Variants in KIF15 observed in about 807,000 individuals in gnomAD.
The protein encoded by KIF15 is kinesin family member 15, also known as kinesin-like protein KIF15.
KIF15 carries 140 observed loss-of-function variants against 190.6 expected under a neutral mutation model. The observed-to-expected ratio is 0.73, with a 90% CI of 0.64 to 0.84. The LOEUF (loss-of-function observed/expected upper bound fraction) is 0.84, where lower values mean the gene tolerates loss of function less well. Ranked by LOEUF, KIF15 falls within the 40% of genes least tolerant of loss-of-function variation. KIF15 has a pLI of 0.00. For missense variants in KIF15, 1,372 were observed against 1,584.4 expected, an observed-to-expected ratio of 0.87 and a Z score of 2.28; for synonymous variants, 528 against 551.3, an observed-to-expected ratio of 0.96 and a Z score of 0.59.
intron 10 of KIF15, 36 bp downstream of exon 10, chr3:44,797,992 GA>G (rs1707075849): frequency 1.3e-6 from 2 of 1,548,040 alleles, no homozygotes; most frequent in African/African-American, 2.8e-5. Flanking sequence ...AAATAAATGA[GA>G]AAAATACTAA....
chr3:44,827,682 ATTTTTTTC>A (rs1376626585), intron 23 of KIF15, among the ~76,000 whole-genome samples, 154 bp downstream of exon 23: 4 of 151,888 alleles, frequency 2.6e-5, no homozygotes, highest in Admixed American at 1.3e-4. Flanking sequence ...TTTTAATTTT[ATTTTTTTC>A]TTCTTTTTTT....
chr3:44,839,359 AG>A (rs1698480861), intron 27 of KIF15, among the ~76,000 whole-genome samples: 1 of 151,830 alleles, frequency 6.6e-6, no homozygotes. Context: ...GGCGACAGAG[AG>A]AGACTCCATC....
At chr3:44,783,023 T>C (rs1472409698) in intron 5 of KIF15, among the ~76,000 whole-genome samples, 1 of 152,150 alleles carries the variant, frequency 6.6e-6, no homozygotes, top group Non-Finnish European at 1.5e-5. Flanking sequence ...GATCTGATAT[T>C]AAAAGGATTA....
intron 15 of KIF15, among the ~76,000 whole-genome samples, 154 bp from the exon 16 acceptor site, chr3:44,805,691 A>G (rs1351108404): frequency 6.6e-6 from 1 of 152,192 alleles, no homozygotes; most frequent in Non-Finnish European, 1.5e-5. Flanking sequence ...TAGTTTACTG[A>G]ACTGGAGAAT....
chr3:44,770,526 T>A (rs1193888999), intron 1 of KIF15, among the ~76,000 whole-genome samples: 1 of 152,182 alleles, frequency 6.6e-6, no homozygotes, highest in African/African-American at 2.4e-5. Context: ...GTACAGGGAC[T>A]GTGTAGGCAA....
intron 24 of KIF15, 32 bp downstream of exon 24, chr3:44,828,332 G>A (rs1697790764): frequency 6.8e-7 from 1 of 1,462,740 alleles, no homozygotes; most frequent in Non-Finnish European, 9.6e-7. Context: ...ATCTCTCTGT[G>A]CATTTTCTTA....
intron 7 of KIF15, among the ~76,000 whole-genome samples, chr3:44,792,759 A>T (rs966634870): frequency 1.6e-4 from 25 of 151,872 alleles, no homozygotes; most frequent in Non-Finnish European, 2.9e-4. Flanking sequence ...TGTTAGCCAG[A>T]CTGGTCTCGG....
chr3:44,840,475 T>C lies in KIF15; in HGVS notation c.3420+19T>C. On this transcript the variant is annotated intron_variant, in intron 28 of 34. Coordinates refer to ENST00000326047, the MANE Select transcript of KIF15 (RefSeq NM_020242.3). ...TCCCCAGGTACTTTTCAGAAAAAGA[T>C]TATTTCAGGAGGAAGAAACAGTTTT... is the stretch of plus-strand genomic sequence containing the variant. 6.6e-7 allele frequency: 1 copy of C among 1,508,448 alleles called. No homozygotes were observed. The highest frequency in any genetic ancestry group is 9.1e-7 in the Non-Finnish European group (1 of 1,095,528). The allele number at this position is 1,508,448 out of a possible 1,614,324, so 93.4% of individuals were successfully genotyped here.
At chr3:44,815,117 TG>T (rs757339174) in intron 20 of KIF15, 41 bp downstream of exon 20, 17 of 1,481,848 alleles carry the variant, frequency 1.1e-5, no homozygotes, top group Non-Finnish European at 1.5e-5. Context: ...CCTGATTGGC[TG>T]TAACCTACGA....
chr3:44,830,046 A>G lies in KIF15; in HGVS notation c.3019A>G (p.Thr1007Ala). The G allele has an allele frequency of 6.3e-7, 1 of 1,591,180 alleles. No homozygotes were observed. Among genetic ancestry groups the G allele is most frequent in the Non-Finnish European group, 8.5e-7 (1 of 1,170,476 alleles). The change falls in exon 25 of 35, where the codon ACC becomes GCC. Residue 1007 changes from threonine (T) to alanine (A), a missense_variant. Physicochemically the swap from Thr to Ala is moderately conservative, Grantham distance 58. Coordinates refer to ENST00000326047, the MANE Select transcript of KIF15 (RefSeq NM_020242.3). ...CTGTGAGAAAACAGAAACTATAGACACCCTGAAACAAGAACTGAAGGACAT... is the reference window on the plus strand; with the variant it reads ...CTGTGAGAAAACAGAAACTATAGACGCCCTGAAACAAGAACTGAAGGACAT... ...SVCEKTETID[T>A]LKQELKDINC...
rs556307017 is a variant in KIF15 at position 44,847,518 on chromosome 3, C to T, written c.3696-467C>T. Among the ~76,000 whole-genome samples, 11 of 152,316 alleles carry T rather than the reference C, an allele frequency of 7.2e-5. No homozygotes were observed. In the South Asian group the frequency reaches 2.3e-3, roughly 32 times the overall value. On this transcript the variant is annotated intron_variant, in intron 30 of 34. Coordinates refer to ENST00000326047, the MANE Select transcript of KIF15 (RefSeq NM_020242.3). ...CAGAGTGGTTATCAGAAAATGCCAACTGACTATGGAACCTGAGCAAAAGAG... is the reference window on the plus strand; with the variant it reads ...CAGAGTGGTTATCAGAAAATGCCAATTGACTATGGAACCTGAGCAAAAGAG...
chr3:44,806,136 T>C, intron 16 of KIF15, 150 bp downstream of exon 16: 1 of 803,132 alleles, frequency 1.2e-6, no homozygotes, highest in Non-Finnish European at 1.9e-6. Flanking sequence ...GGGTTACTGC[T>C]AGCAATCCCA....
Position 44,814,861 on chromosome 3 carries a change from T to C in KIF15, c.2384-50T>C, listed in dbSNP as rs747345920. On this transcript the variant is annotated intron_variant, in intron 19 of 34. Transcript: ENST00000326047. The stretch of plus-strand genomic sequence containing the variant: ...GTGGGACTAGTACCTATCAGATTTA[T>C]TTGTCTGCTTTAAGAAACCTACTGA... 5 of 1,467,172 alleles carry C rather than the reference T, an allele frequency of 3.4e-6. No homozygotes were observed. In the Admixed American group the frequency reaches 9.3e-5, roughly 27 times the overall value. 90.9% of individuals were successfully genotyped at this position (1,467,172 alleles called of 1,614,324 possible).
At chr3:44,848,387 C>T in intron 31 of KIF15, 134 bp from the exon 32 acceptor site, 1 of 578,010 alleles carries the variant, frequency 1.7e-6, no homozygotes, top group Non-Finnish European at 3.1e-6. Flanking sequence ...GTGTAGCTGG[C>T]ACTGTGGAAA....
intron 3 of KIF15, 87 bp downstream of exon 3, chr3:44,775,524 C>T (rs1453157734): frequency 4.8e-5 from 45 of 935,488 alleles, no homozygotes; most frequent in African/African-American, 8.3e-5. Context: ...GGCATGATCT[C>T]GGCTCACTGC....
rs957609503 is a variant in KIF15, at chr3:44,861,791, C to G, written c.*59+8997C>G. 6.7e-5 allele frequency: 71 copies of G among 1,057,036 alleles called. No individual in the cohort carries two copies. In the African/African-American group the frequency reaches 6.9e-4, roughly 10 times the overall value. The allele number at this position is 1,057,036 out of a possible 1,614,324, so 65.5% of individuals were successfully genotyped here. On this transcript the variant is annotated intron_variant and NMD_transcript_variant, in intron 6 of 6. Transcript: ENST00000422209. ...ACCTGGCCCGCCCCCTCCGAGGCGC[C>G]GGAGAGCGATTCCCAAGGGGCCTGC...
At chr3:44,836,312 C>T (rs539734164) in intron 26 of KIF15, among the ~76,000 whole-genome samples, 70 of 151,910 alleles carry the variant, frequency 4.6e-4, no homozygotes, top group African/African-American at 1.5e-3. Context: ...GATGAGATCA[C>T]GCCACTGCAC....
chr3:44,770,434 C>T (rs1415881243), intron 1 of KIF15, among the ~76,000 whole-genome samples: 1 of 152,152 alleles, frequency 6.6e-6, no homozygotes, highest in African/African-American at 2.4e-5. Flanking sequence ...GTAAACTCCT[C>T]TCTTCTTGAG....
rs144563176 is a variant in KIF15, at chr3:44,827,138, C to G, written c.2787-321C>G. ...AATTCCAGAACATTTAGAGTTGAAA[C>G]AGTGAACAAAACATCCCTGTCCTCG... On this transcript the variant is annotated intron_variant, in intron 22 of 34. Coordinates refer to ENST00000326047, the MANE Select transcript of KIF15 (RefSeq NM_020242.3). 1.3e-3 allele frequency: 567 copies of G among 424,890 alleles called. 1 individual carries two copies. The highest frequency in any genetic ancestry group is 0.011 in the African/African-American group (533 of 49,346). The allele number at this position is 424,890 out of a possible 1,614,324, so 26.3% of individuals were successfully genotyped here.
Sources: gnomAD v4.1 joint callset for allele counts (sites outside exome capture counted in the v4.1 genomes callset) on GRCh38, gnomAD v4.1.1 for gene constraint, MANE v1.5 for transcripts, NCBI Gene and HGNC (gene_info 2026-07-23, HGNC 2026-07-21) for gene names.